GAB2: variants seen among roughly 807,000 people sequenced by gnomAD.
GAB2 encodes the protein GRB2 associated binding protein 2, also known as GRB2-associated-binding protein 2.
A neutral mutation model predicts 65.5 loss-of-function variants in GAB2; 26 were observed. That is an observed-to-expected ratio of 0.40 (90% CI 0.29 to 0.55). The LOEUF (loss-of-function observed/expected upper bound fraction) is 0.55, where lower values mean the gene tolerates loss of function less well. Among genes scored for constraint, GAB2 ranks in the 20% least tolerant of loss-of-function variants. The pLI, the probability that GAB2 is intolerant of heterozygous loss-of-function variation, is 0.53. For synonymous variants in GAB2, 321 were observed against 329.6 expected (o/e 0.97, Z 0.28); for missense variants, 884 against 875.8 (o/e 1.01, Z -0.12).
intron 1 of GAB2, among the ~76,000 whole-genome samples, chr11:78,345,869 T>G (rs1856171554): frequency 6.6e-6 from 1 of 152,154 alleles, no homozygotes; most frequent in Admixed American, 6.5e-5. Context: ...ACACAAAGAT[T>G]GGTGTTTCTC....
At chr11:78,246,097 T>C (rs1302009769) in intron 3 of GAB2, among the ~76,000 whole-genome samples, 2 of 142,904 alleles carry the variant, frequency 1.4e-5, no homozygotes, top group African/African-American at 3.0e-5. Context: ...GCCTGGCTAA[T>C]TTTTTTGTAT....
At chr11:78,288,888 G>A (rs1866567048) in intron 1 of GAB2, among the ~76,000 whole-genome samples, 1 of 152,110 alleles carries the variant, frequency 6.6e-6, no homozygotes, top group Admixed American at 6.5e-5. Flanking sequence ...AAATAAAATG[G>A]GAAGAATCAG....
chr11:78,307,620 G>A (rs1855395514), intron 1 of GAB2, among the ~76,000 whole-genome samples: 1 of 151,680 alleles, frequency 6.6e-6, no homozygotes, highest in South Asian at 2.1e-4. Flanking sequence ...GAGAGAGAGA[G>A]AGAGAGAGAG....
intron 1 of GAB2, among the ~76,000 whole-genome samples, chr11:78,405,717 T>C (rs1225963995): frequency 6.6e-6 from 1 of 152,156 alleles, no homozygotes; most frequent in Non-Finnish European, 1.5e-5. Context: ...GGCGGCAGAT[T>C]TGCTAGGGAC....
At chr11:78,245,761 G>A (rs1289382341) in intron 3 of GAB2, among the ~76,000 whole-genome samples, 1 of 152,118 alleles carries the variant, frequency 6.6e-6, no homozygotes, top group Non-Finnish European at 1.5e-5. Flanking sequence ...GAAAATTCAA[G>A]TTTCCTTCTA....
intron 1 of GAB2, among the ~76,000 whole-genome samples, chr11:78,289,136 G>T (rs539326593): frequency 3.9e-5 from 6 of 152,242 alleles, no homozygotes; most frequent in South Asian, 4.1e-4. Context: ...GTCATGGTTC[G>T]TGCCTGTAAT....
At chr11:78,246,914 C>G (rs1865314282) in intron 3 of GAB2, among the ~76,000 whole-genome samples, 1 of 152,198 alleles carries the variant, frequency 6.6e-6, no homozygotes. Context: ...CTTTGTTGCA[C>G]TCGATTCGGT....
chr11:78,287,279 T>A (rs953100222), intron 1 of GAB2, among the ~76,000 whole-genome samples: 1 of 152,166 alleles, frequency 6.6e-6, no homozygotes, highest in African/African-American at 2.4e-5. Flanking sequence ...TATACTTAGT[T>A]TTTTTTGGTT....
rs537802703 is a variant in GAB2 at position 78,307,421 on chromosome 11, G to A, written c.76-26520C>T. Among the ~76,000 whole-genome samples, 66 of 152,152 alleles carry A rather than the reference G, an allele frequency of 4.3e-4. No individual in the cohort carries two copies. The South Asian group carries it at 8.1e-3, about 19-fold the overall frequency. On this transcript the variant is annotated intron_variant, in intron 1 of 9. Transcript: ENST00000361507. Reference sequence around the variant, plus strand: ...CAGAATTGTGTATGAAATTTGTGATGGGGAAAATAAATAAAGGAAAAAATA... The same window carrying A: ...CAGAATTGTGTATGAAATTTGTGATAGGGAAAATAAATAAAGGAAAAAATA...
rs774306705 is a variant in GAB2 at position 78,226,873 on chromosome 11, C to G, written c.799G>C (p.Asp267His). The part of the protein sequence containing the change: ...HNTEFRDSTY[D>H]LPRSLASHGH... ...TGGGAGGCCAGGCTGCGGGGGAGGT[C>G]GTAGGTACTGTCTCTGAATTCTGTA... is the stretch of plus-strand genomic sequence containing the variant. The change falls in exon 4 of 10, where the codon GAC becomes CAC. Residue 267 changes from aspartate to histidine, a missense_variant. By Grantham distance (81) the Asp-to-His change is moderately conservative. Coordinates refer to ENST00000361507, the MANE Select transcript of GAB2 (RefSeq NM_080491.3). The G allele has an allele frequency of 1.2e-6, 2 of 1,614,072 alleles. No homozygotes were observed. The highest frequency in any genetic ancestry group is 1.7e-6 in the Non-Finnish European group (2 of 1,180,012).
intron 1 of GAB2, among the ~76,000 whole-genome samples, chr11:78,284,408 AG>A (rs1866417163): frequency 6.6e-6 from 1 of 152,236 alleles, no homozygotes; most frequent in Admixed American, 6.5e-5. Context: ...TCTCACTCAG[AG>A]TAAAGCCAAA....
At chr11:78,230,625 C>T (rs1359060486) in intron 3 of GAB2, among the ~76,000 whole-genome samples, 1 of 152,244 alleles carries the variant, frequency 6.6e-6, no homozygotes, top group East Asian at 1.9e-4. Context: ...ATATCCTGTA[C>T]CCTGGCATAG....
At chr11:78,387,028 T>TAATG (rs774280718) in intron 1 of GAB2, among the ~76,000 whole-genome samples, 1 of 152,154 alleles carries the variant, frequency 6.6e-6, no homozygotes, top group Non-Finnish European at 1.5e-5. Flanking sequence ...GTTACCAAAA[T>TAATG]AATGAATGAA....
At chr11:78,319,945 G>A (rs115581465) in intron 1 of GAB2, among the ~76,000 whole-genome samples, 2,263 of 150,590 alleles carry the variant, frequency 0.015, 64 homozygotes, top group African/African-American at 0.052. Context: ...GTGTGATCTC[G>A]GCTCACTGCA....
intron 7 of GAB2, 79 bp downstream of exon 7, chr11:78,222,026 C>T (rs1319248492): frequency 4.3e-6 from 4 of 931,986 alleles, no homozygotes; most frequent in Non-Finnish European, 7.1e-6. Flanking sequence ...GCTGTCCCGG[C>T]CCACAGGCCA....
intron 1 of GAB2, among the ~76,000 whole-genome samples, chr11:78,380,835 G>C (rs1415475973): frequency 3.3e-5 from 4 of 122,456 alleles, no homozygotes; most frequent in Non-Finnish European, 6.3e-5. Flanking sequence ...GACCATCTCA[G>C]AACGTTGTCC....
At chr11:78,225,808 ACC>A (rs1312702827) in intron 4 of GAB2, among the ~76,000 whole-genome samples, 6 of 152,212 alleles carry the variant, frequency 3.9e-5, no homozygotes, top group Non-Finnish European at 8.8e-5. Flanking sequence ...GTTTTGTCCC[ACC>A]AACCTCTCTG....
intron 1 of GAB2, among the ~76,000 whole-genome samples, chr11:78,381,716 G>A (rs372723520): frequency 6.6e-6 from 1 of 151,744 alleles, no homozygotes; most frequent in East Asian, 1.9e-4. Context: ...TTGACCCTGT[G>A]TTAAGCACAT....
At chr11:78,378,208 G>C (rs1189117962) in intron 1 of GAB2, among the ~76,000 whole-genome samples, 1 of 152,136 alleles carries the variant, frequency 6.6e-6, no homozygotes, top group Non-Finnish European at 1.5e-5. Flanking sequence ...GGTTGCCAGT[G>C]ATCTCCTTTC....
Sources: allele counts gnomAD v4.1 joint callset (sites outside exome capture counted in the v4.1 genomes callset), GRCh38; gene constraint gnomAD v4.1.1; transcripts MANE v1.5; gene names NCBI Gene and HGNC (gene_info 2026-07-23, HGNC 2026-07-21).